THRB: variants seen among roughly 807,000 people sequenced by gnomAD.
THRB encodes nuclear receptor subfamily 1 group A member 2.
THRB carries 12 observed loss-of-function variants against 47.8 expected under a neutral mutation model. The ratio of observed to expected loss-of-function variants is 0.25; its 90% confidence interval spans 0.16 to 0.41. THRB has a LOEUF of 0.41. THRB is among the 10% of genes least tolerant of loss of function. THRB has a pLI of 1.00. For synonymous variants in THRB, 218 were observed against 212.2 expected, an observed-to-expected ratio of 1.03 and a Z score of -0.24; for missense variants, 348 against 589.2, an observed-to-expected ratio of 0.59 and a Z score of 4.24.
chr3:24,494,990 A>G (rs2126005080), upstream of THRB: 1 of 152,196 alleles, frequency 6.6e-6, no homozygotes, highest in South Asian at 2.1e-4. Context: ...AGGCGGCCGC[A>G]GCCAGGGCCG....
chr3:24,191,448 A>AT (rs999878067), intron 4 of THRB, among the ~76,000 whole-genome samples: 8 of 151,956 alleles, frequency 5.3e-5, no homozygotes, highest in Middle Eastern at 3.2e-3. Context: ...TTATATGTGA[A>AT]TTTTTTTTAA....
At chr3:24,134,687 C>T (rs898184320) in intron 8 of THRB, among the ~76,000 whole-genome samples, 9 of 152,084 alleles carry the variant, frequency 5.9e-5, no homozygotes, top group Non-Finnish European at 1.2e-4. Context: ...CTCTGAACAC[C>T]CTCCTAGCCA....
intron 3 of THRB, among the ~76,000 whole-genome samples, chr3:24,265,233 G>C (rs924400457): frequency 2.6e-5 from 4 of 152,184 alleles, no homozygotes; most frequent in African/African-American, 9.7e-5. Flanking sequence ...ATTAGATCAT[G>C]CAAGTAATGA....
intron 2 of THRB, among the ~76,000 whole-genome samples, chr3:24,330,847 T>A (rs2061876921): frequency 6.6e-6 from 1 of 152,214 alleles, no homozygotes; most frequent in African/African-American, 2.4e-5. Context: ...TTATACTTAT[T>A]TAACTGTTGC....
intron 1 of THRB, among the ~76,000 whole-genome samples, chr3:24,434,372 G>A (rs1357755644): frequency 6.6e-6 from 1 of 152,142 alleles, no homozygotes; most frequent in African/African-American, 2.4e-5. Context: ...ATCCTCCTAA[G>A]TGGCAGAACG....
intron 1 of THRB, among the ~76,000 whole-genome samples, chr3:24,387,632 C>T (rs2066230193): frequency 6.6e-6 from 1 of 152,112 alleles, no homozygotes; most frequent in Admixed American, 6.6e-5. Flanking sequence ...GCCTGGCATG[C>T]AGTAGGCTAT....
At chr3:24,286,215 A>G (rs1012425159) in intron 3 of THRB, among the ~76,000 whole-genome samples, 1 of 152,186 alleles carries the variant, frequency 6.6e-6, no homozygotes, top group Non-Finnish European at 1.5e-5. Flanking sequence ...CTAATCTATG[A>G]TATTTTGTTA....
chr3:24,349,774 T>C (rs1488425708), intron 1 of THRB, among the ~76,000 whole-genome samples: 2 of 152,028 alleles, frequency 1.3e-5, no homozygotes, highest in Admixed American at 6.6e-5. Context: ...TATTCATGAT[T>C]TGGGGGTAAA....
At chr3:24,414,983 A>G (rs776020395) in intron 1 of THRB, among the ~76,000 whole-genome samples, 3 of 151,880 alleles carry the variant, frequency 2.0e-5, no homozygotes, top group African/African-American at 7.2e-5. Flanking sequence ...GCAAGTTTCC[A>G]CCGGTCTTTC....
intron 1 of THRB, among the ~76,000 whole-genome samples, chr3:24,400,926 T>C (rs929257279): frequency 4.9e-4 from 74 of 152,044 alleles, no homozygotes; most frequent in African/African-American, 1.7e-3. Flanking sequence ...AAACAAAATA[T>C]TATCTGGCTT....
At chr3:24,273,458 A>G (rs181831641) in intron 3 of THRB, among the ~76,000 whole-genome samples, 12 of 152,342 alleles carry the variant, frequency 7.9e-5, no homozygotes, top group South Asian at 2.1e-4. Context: ...TAACTGAATA[A>G]TTAGAATAAA....
At chr3:24,387,977 T>C (rs1020909456) in intron 1 of THRB, among the ~76,000 whole-genome samples, 1 of 152,068 alleles carries the variant, frequency 6.6e-6, no homozygotes, top group Non-Finnish European at 1.5e-5. Context: ...CATCCTTGTG[T>C]TCAGGGGCAA....
At chr3:24,348,434 T>G (rs1204681619) in intron 1 of THRB, 1 of 152,098 alleles carries the variant, frequency 6.6e-6, no homozygotes, top group East Asian at 1.9e-4. Context: ...CTAGTGACAT[T>G]CAAACACACC....
At chr3:24,233,571 GAAAGAAAGAAAGAAAGAA>G (rs1483775722) in intron 3 of THRB, among the ~76,000 whole-genome samples, 1 of 64,930 alleles carries the variant, frequency 1.5e-5, no homozygotes, top group African/African-American at 7.1e-5. Context: ...AAGAAAGAAA[GAAAGAAAGAAAGAAAGAA>G]AGAAAGAAAG....
At chr3:24,176,026 T>C (rs575493206) in intron 5 of THRB, among the ~76,000 whole-genome samples, 1 of 152,332 alleles carries the variant, frequency 6.6e-6, no homozygotes, top group African/African-American at 2.4e-5. Context: ...TGACTAATAA[T>C]GTGTTTCAAC....
chr3:24,349,323 T>G (rs1343105476), intron 1 of THRB, among the ~76,000 whole-genome samples: 2 of 152,054 alleles, frequency 1.3e-5, no homozygotes, highest in African/African-American at 4.8e-5. Flanking sequence ...CTCATAAGTC[T>G]TGGGTTTTTT....
intron 1 of THRB, among the ~76,000 whole-genome samples, chr3:24,432,148 A>G (rs2070491214): frequency 6.6e-6 from 1 of 152,080 alleles, no homozygotes; most frequent in South Asian, 2.1e-4. Context: ...ACCAAGCTTC[A>G]TAGCCTACAT....
At chr3:24,250,864 T>G (rs1180290850) in intron 3 of THRB, among the ~76,000 whole-genome samples, 1 of 152,090 alleles carries the variant, frequency 6.6e-6, no homozygotes, top group Non-Finnish European at 1.5e-5. Context: ...AATGTTAATC[T>G]AGGATCAGAT....
intron 1 of THRB, among the ~76,000 whole-genome samples, chr3:24,431,261 TACACACACACACACA>T (rs1453630082): frequency 1.5e-5 from 2 of 135,706 alleles, no homozygotes; most frequent in African/African-American, 2.7e-5. Flanking sequence ...TCTCTCTCTC[TACACACACACACACA>T]CACACACACA....
Sources: gnomAD v4.1 joint callset for allele counts (sites outside exome capture counted in the v4.1 genomes callset) on GRCh38, gnomAD v4.1.1 for gene constraint, MANE v1.5 for transcripts, NCBI Gene and HGNC (gene_info 2026-07-23, HGNC 2026-07-21) for gene names.